The following DAB1 variants were observed in gnomAD, a reference collection of about 807,000 sequenced individuals.
DAB1 encodes DAB adaptor protein 1, also known as disabled homolog 1.
DAB1 carries 15 observed loss-of-function variants against 64.6 expected under a neutral mutation model. The observed-to-expected ratio is 0.23, with a 90% CI of 0.16 to 0.36. DAB1 has a LOEUF of 0.36. Among genes scored for constraint, DAB1 ranks in the 10% least tolerant of loss-of-function variants. DAB1 has a pLI of 1.00. For synonymous variants in DAB1, 235 were observed against 251.9 expected (o/e 0.93, Z 0.64); for missense variants, 596 against 706.7 (o/e 0.84, Z 1.78).
rs1012063869 is a variant in DAB1, at chr1:57,026,049, A to G, written c.724-6T>C. The G allele has an allele frequency of 6.2e-7, 1 of 1,602,212 alleles. No homozygotes were observed. The highest frequency in any genetic ancestry group is 8.5e-7 in the Non-Finnish European group (1 of 1,174,826). Reference sequence around the variant, plus strand: ...AGTTCTAATTGGGTCACAGCCTGTAAAGACAAAAAGGTAATCATGTGACTA... The same window carrying G: ...AGTTCTAATTGGGTCACAGCCTGTAGAGACAAAAAGGTAATCATGTGACTA... On this transcript the variant is annotated splice_region_variant and splice_polypyrimidine_tract_variant and intron_variant, in intron 9 of 14. Transcript: ENST00000371236.
At chr1:57,259,854 T>A (rs556533743) in intron 2 of DAB1, among the ~76,000 whole-genome samples, 1 of 152,328 alleles carries the variant, frequency 6.6e-6, no homozygotes, top group South Asian at 2.1e-4. Flanking sequence ...TTTTCACAGC[T>A]TTCCAGATAA....
chr1:57,403,557 C>CT (rs1331121345), intron 1 of DAB1, among the ~76,000 whole-genome samples: 1 of 152,162 alleles, frequency 6.6e-6, no homozygotes, highest in Non-Finnish European at 1.5e-5. Context: ...ACTCAAGCCT[C>CT]TAACTTAACA....
At chr1:57,770,636 TA>T (rs1649517267) in intron 6 of DAB1, among the ~76,000 whole-genome samples, 1 of 152,162 alleles carries the variant, frequency 6.6e-6, no homozygotes, top group African/African-American at 2.4e-5. Flanking sequence ...TAATTAAGGA[TA>T]ACTCAAAAAT....
intron 4 of DAB1, among the ~76,000 whole-genome samples, chr1:58,202,669 C>A (rs12401924): frequency 0.73 from 111,786 of 152,146 alleles, 42,631 homozygotes; most frequent in Non-Finnish European, 0.85. Context: ...AAACACTACA[C>A]AGGCATTAGA....
chr1:57,639,542 T>C (rs1021583347), intron 7 of DAB1, among the ~76,000 whole-genome samples: 1 of 152,092 alleles, frequency 6.6e-6, no homozygotes, highest in African/African-American at 2.4e-5. Context: ...GAGGGCAGTG[T>C]GAAGGAGGGT....
intron 7 of DAB1, among the ~76,000 whole-genome samples, chr1:57,559,214 T>C (rs1558493121): frequency 6.6e-6 from 1 of 152,332 alleles, no homozygotes; most frequent in African/African-American, 2.4e-5. Context: ...GTGAAATTGA[T>C]AGGAAGCCTA....
At chr1:57,556,262 A>G (rs377341952) in intron 7 of DAB1, among the ~76,000 whole-genome samples, 41 of 152,258 alleles carry the variant, frequency 2.7e-4, no homozygotes, top group African/African-American at 8.7e-4. Context: ...TCTTTTTCGT[A>G]TAATGACTTA....
chr1:57,316,339 C>A (rs1024073191), intron 1 of DAB1, among the ~76,000 whole-genome samples: 1 of 152,164 alleles, frequency 6.6e-6, no homozygotes, highest in African/African-American at 2.4e-5. Flanking sequence ...GTAATAAAAT[C>A]TTGTGCATTT....
intron 7 of DAB1, chr1:57,606,347 A>G (rs1645636922): frequency 7.3e-6 from 1 of 136,080 alleles, no homozygotes; most frequent in South Asian, 2.2e-4. Context: ...TCTTATCTAA[A>G]GTTCTTCAGT....
At chr1:57,600,141 G>C (rs1645559498) in intron 7 of DAB1, among the ~76,000 whole-genome samples, 1 of 152,120 alleles carries the variant, frequency 6.6e-6, no homozygotes, top group Admixed American at 6.5e-5. Context: ...GCAACTCACT[G>C]TGTTGTGCCA....
chr1:57,976,511 C>T (rs1645923242), intron 5 of DAB1, among the ~76,000 whole-genome samples: 1 of 152,078 alleles, frequency 6.6e-6, no homozygotes, highest in South Asian at 2.1e-4. Flanking sequence ...AATAATTTCC[C>T]CAGCGTCTGG....
intron 6 of DAB1, among the ~76,000 whole-genome samples, chr1:57,791,111 C>A (rs1650576831): frequency 2.0e-5 from 3 of 152,114 alleles, no homozygotes; most frequent in African/African-American, 7.2e-5. Flanking sequence ...ATTAATTAGG[C>A]AAATTTCTAC....
At chr1:57,635,648 T>C (rs1646043535) in intron 7 of DAB1, among the ~76,000 whole-genome samples, 1 of 152,178 alleles carries the variant, frequency 6.6e-6, no homozygotes. Context: ...TATATTACAA[T>C]GTAATAATAA....
intron 2 of DAB1, among the ~76,000 whole-genome samples, chr1:57,189,887 T>C (rs1663968012): frequency 6.6e-6 from 1 of 150,892 alleles, no homozygotes; most frequent in Non-Finnish European, 1.5e-5. Flanking sequence ...CATAAGGGTC[T>C]GTCATGGCCC....
At position 58,070,679 on chromosome 1, in the gene DAB1, A is replaced by G. The variant is rs537326653; in HGVS notation, n.387+79832T>C. Among the ~76,000 whole-genome samples the G allele has an allele frequency of 2.6e-5, 4 of 152,250 alleles. No homozygotes were observed. In the East Asian group the frequency reaches 7.7e-4, roughly 29 times the overall value. On this transcript the variant is annotated intron_variant and non_coding_transcript_variant, in intron 5 of 20. Transcript: ENST00000485760. ...TGGGATGCAGGCCTGTGGCTAGGAT[A>G]GGCATGCGAGGAGTGGCTAGACTCG...
chr1:57,022,143 C>A (rs981568857), intron 11 of DAB1, among the ~76,000 whole-genome samples: 9 of 152,176 alleles, frequency 5.9e-5, no homozygotes, highest in Non-Finnish European at 1.3e-4. Flanking sequence ...TAGAGGGCAC[C>A]TGGTGAGCAT....
chr1:57,176,032 G>C (rs1373674414), intron 2 of DAB1, among the ~76,000 whole-genome samples: 1 of 152,078 alleles, frequency 6.6e-6, no homozygotes, highest in Non-Finnish European at 1.5e-5. Context: ...CCTTTCTAAA[G>C]CAAAGCTACA....
chr1:58,422,732 C>T (rs1644784234), intron 3 of DAB1, among the ~76,000 whole-genome samples: 1 of 151,736 alleles, frequency 6.6e-6, no homozygotes, highest in Non-Finnish European at 1.5e-5. Flanking sequence ...CCCACACCAG[C>T]TGACTTGCTG....
At chr1:57,329,073 C>T (rs1676423829) in intron 1 of DAB1, among the ~76,000 whole-genome samples, 1 of 152,212 alleles carries the variant, frequency 6.6e-6, no homozygotes, top group Non-Finnish European at 1.5e-5. Flanking sequence ...ATTTCTATAA[C>T]TCTATAATTC....
Sources: allele counts gnomAD v4.1 joint callset (sites outside exome capture counted in the v4.1 genomes callset), GRCh38; gene constraint gnomAD v4.1.1; transcripts MANE v1.5; gene names NCBI Gene and HGNC (gene_info 2026-07-23, HGNC 2026-07-21).